FAM20B: variants seen among roughly 807,000 people sequenced by gnomAD.
FAM20B encodes FAM20B glycosaminoglycan xylosylkinase.
Under a neutral mutation model 43.8 loss-of-function variants are expected in FAM20B, and 23 were observed. The observed-to-expected ratio is 0.53, with a 90% confidence interval of 0.38 to 0.74. The LOEUF (loss-of-function observed/expected upper bound fraction) is 0.74, where lower values mean the gene tolerates loss of function less well. Among genes scored for constraint, FAM20B ranks in the 30% least tolerant of loss-of-function variants. The pLI, the probability that FAM20B is intolerant of heterozygous loss-of-function variation, is 0.00. For synonymous variants in FAM20B, 178 were observed against 192.4 expected, an observed-to-expected ratio of 0.93 and a Z score of 0.62; for missense variants, 440 against 510.5, an observed-to-expected ratio of 0.86 and a Z score of 1.33.
At chr1:179,063,834 A>G in intron 4 of FAM20B, 93 bp from the exon 5 acceptor site, 1 of 822,318 alleles carries the variant, frequency 1.2e-6, no homozygotes, top group Non-Finnish European at 1.9e-6. Context: ...CACCATGCTT[A>G]TTTACTTAGC....
At chr1:179,052,650 G>A (rs902697542) in intron 3 of FAM20B, among the ~76,000 whole-genome samples, 2 of 152,148 alleles carry the variant, frequency 1.3e-5, no homozygotes, top group African/African-American at 4.8e-5. Flanking sequence ...TCAATAGTGG[G>A]AAAACTGGTT....
chr1:179,030,096 G>A (rs1430817166), intron 1 of FAM20B, among the ~76,000 whole-genome samples: 1 of 152,134 alleles, frequency 6.6e-6, no homozygotes, highest in Non-Finnish European at 1.5e-5. Context: ...CTTATCTGTG[G>A]AGTAGGAGCT....
rs4652352 is a variant in FAM20B, at chr1:179,073,165, C to A, written c.*1021C>A. On this transcript the variant is annotated 3_prime_UTR_variant, in exon 8 of 8. Coordinates refer to ENST00000263733, the MANE Select transcript of FAM20B (RefSeq NM_014864.4). ...ACTGAAGCTGCTGTTCCCAAGAGAT[C>A]GGCAACCTTTTTGTCCCTTTCTCAT... is the stretch of plus-strand genomic sequence containing the variant. The A allele has an allele frequency of 0.45, 68,848 of 152,030 alleles. 15,902 individuals are homozygous for A. Among genetic ancestry groups the A allele is most frequent in the African/African-American group, 0.49 (20,440 of 41,470 alleles). 9.4% of individuals were successfully genotyped at this position (152,030 alleles called of 1,614,324 possible).
chr1:179,061,041 CTT>C (rs1482283735), intron 4 of FAM20B, among the ~76,000 whole-genome samples: 2 of 144,238 alleles, frequency 1.4e-5, no homozygotes, highest in Non-Finnish European at 3.0e-5. Flanking sequence ...GGCATATAGT[CTT>C]TTGTGACATG....
chr1:179,065,933 T>G (rs1651672944), intron 6 of FAM20B, among the ~76,000 whole-genome samples: 1 of 152,184 alleles, frequency 6.6e-6, no homozygotes, highest in Non-Finnish European at 1.5e-5. Flanking sequence ...TGTCCTCATA[T>G]GGCAGAAGAG....
intron 7 of FAM20B, among the ~76,000 whole-genome samples, chr1:179,070,409 AAT>A (rs2102528567): frequency 6.6e-6 from 1 of 152,178 alleles, no homozygotes; most frequent in South Asian, 2.1e-4. Context: ...TAGAACGTTA[AAT>A]ATCAAGGTGC....
At chr1:179,030,430 C>A (rs1649960355) in intron 1 of FAM20B, among the ~76,000 whole-genome samples, 1 of 152,154 alleles carries the variant, frequency 6.6e-6, no homozygotes, top group South Asian at 2.1e-4. Flanking sequence ...GTGTGTTAGA[C>A]AACCTCCTTT....
intron 1 of FAM20B, among the ~76,000 whole-genome samples, chr1:179,033,373 C>T (rs1160658648): frequency 6.6e-6 from 1 of 152,104 alleles, no homozygotes; most frequent in Non-Finnish European, 1.5e-5. Context: ...ACAATGAAAA[C>T]AGAAAAATAT....
At position 179,075,203 on chromosome 1, in the gene FAM20B, AAGG is replaced by A. The variant is rs1430647481; in HGVS notation, c.*3063_*3065del. The A allele has an allele frequency of 6.6e-6, 1 of 152,008 alleles. No individual in the cohort carries two copies. The highest frequency in any genetic ancestry group is 2.4e-5 in the African/African-American group (1 of 41,376). 9.4% of individuals were successfully genotyped at this position (152,008 alleles called of 1,614,324 possible). ...CGAGACTCTGTCTTAAAAAAAAAAA[AAGG>A]AGGTGAATTTTTTTTTAAGTTTTGT... On this transcript the variant is annotated 3_prime_UTR_variant, in exon 8 of 8. Coordinates refer to ENST00000263733, the MANE Select transcript of FAM20B (RefSeq NM_014864.4).
At chr1:179,035,411 T>C in intron 1 of FAM20B, 1 of 708,206 alleles carries the variant, frequency 1.4e-6, no homozygotes, top group South Asian at 1.4e-5. Flanking sequence ...CTGACTACTT[T>C]GCTGTGAATT....
At chr1:179,053,810 T>TG (rs1214375928) in intron 3 of FAM20B, among the ~76,000 whole-genome samples, 2 of 152,152 alleles carry the variant, frequency 1.3e-5, no homozygotes, top group African/African-American at 4.8e-5. Flanking sequence ...TAAGTGTGAG[T>TG]GTGTGTTTAT....
Position 179,026,954 on chromosome 1 carries a change from T to G in FAM20B, c.-134+856T>G, listed in dbSNP as rs116049619. Among the ~76,000 whole-genome samples, 625 of 152,334 alleles carry G rather than the reference T, an allele frequency of 4.1e-3. 6 individuals carry two copies. The highest frequency in any genetic ancestry group is 0.014 in the African/African-American group (594 of 41,572). The stretch of plus-strand genomic sequence containing the variant: ...TAGGGGTAACAGGGCTTGGTTAGTC[T>G]TAATGGAATTATTAGTCCTTTTAAA... On this transcript the variant is annotated intron_variant, in intron 1 of 7. Coordinates refer to ENST00000263733, the MANE Select transcript of FAM20B (RefSeq NM_014864.4).
chr1:179,064,346 C>T lies in FAM20B; in HGVS notation c.788C>T (p.Thr263Met), dbSNP rs761292654. 7.4e-6 allele frequency: 12 copies of T among 1,613,232 alleles called. No individual in the cohort carries two copies. The highest frequency in any genetic ancestry group is 4.0e-5 in the African/African-American group (3 of 74,906). ...AGCTACTGTGATGCTGTGAAGAAAA[C>T]GTCCCCTTATGACTCTGGCCCGCGC... ...DESYCDAVKKTSPYDSGPRLL... is the reference protein window; with the variant it reads ...DESYCDAVKKMSPYDSGPRLL... Residue 263 changes from threonine to methionine, a missense_variant, in exon 6 of 8, where the codon ACG becomes ATG. Physicochemically the swap from Thr to Met is moderately conservative, Grantham distance 81 (BLOSUM62 -1). Coordinates refer to ENST00000263733, the MANE Select transcript of FAM20B (RefSeq NM_014864.4).
chr1:179,028,309 C>T (rs963573907), intron 1 of FAM20B, among the ~76,000 whole-genome samples: 25 of 152,204 alleles, frequency 1.6e-4, no homozygotes, highest in African/African-American at 1.7e-4. Context: ...GTTGGTCGGG[C>T]GCGGTGGCTT....
Position 179,035,632 on chromosome 1 carries a change from G to A in FAM20B, c.-133-8083G>A, listed in dbSNP as rs1237302139. 1.1e-5 allele frequency: 5 copies of A among 457,710 alleles called. No individual in the cohort carries two copies. In the East Asian group the frequency reaches 2.2e-4, roughly 20 times the overall value. The allele number at this position is 457,710 out of a possible 1,614,324, so 28.4% of individuals were successfully genotyped here. On this transcript the variant is annotated intron_variant, in intron 1 of 7. Transcript: ENST00000263733. ...TGTGGCCCTTTTTGACATGACTTTTGTTCCTTCTTTTCTTTGTCATCTTGG... is the reference window on the plus strand; with the variant it reads ...TGTGGCCCTTTTTGACATGACTTTTATTCCTTCTTTTCTTTGTCATCTTGG...
intron 1 of FAM20B, among the ~76,000 whole-genome samples, chr1:179,034,601 A>G (rs963420241): frequency 6.6e-6 from 1 of 152,216 alleles, no homozygotes; most frequent in Admixed American, 6.5e-5. Context: ...CAAAAAATTC[A>G]AATTCAAGTC....
intron 1 of FAM20B, among the ~76,000 whole-genome samples, chr1:179,043,474 G>A (rs1260513099): frequency 6.6e-6 from 1 of 152,198 alleles, no homozygotes; most frequent in Non-Finnish European, 1.5e-5. Context: ...TCCGTGGAGT[G>A]TGCAGCCCTG....
intron 1 of FAM20B, among the ~76,000 whole-genome samples, chr1:179,036,591 T>C (rs886115395): frequency 6.6e-5 from 10 of 152,152 alleles, no homozygotes; most frequent in African/African-American, 2.2e-4. Flanking sequence ...GGGGAATCTT[T>C]GGAAAAGTCC....
intron 2 of FAM20B, among the ~76,000 whole-genome samples, chr1:179,049,905 A>G (rs1485034513): frequency 6.6e-6 from 1 of 152,226 alleles, no homozygotes; most frequent in Admixed American, 6.5e-5. Flanking sequence ...ACATTTTAGT[A>G]GACATTTATT....
Sources: allele counts gnomAD v4.1 joint callset (sites outside exome capture counted in the v4.1 genomes callset), GRCh38; gene constraint gnomAD v4.1.1; transcripts MANE v1.5; gene names NCBI Gene and HGNC (gene_info 2026-07-23, HGNC 2026-07-21).